FGF7: variants seen among roughly 807,000 people sequenced by gnomAD.
The protein encoded by FGF7 is fibroblast growth factor 7.
FGF7 carries 6 observed loss-of-function variants against 20.5 expected under a neutral mutation model. The ratio of observed to expected loss-of-function variants is 0.29; its 90% CI spans 0.16 to 0.58. The LOEUF (loss-of-function observed/expected upper bound fraction) is 0.58. FGF7 is among the 20% of genes least tolerant of loss of function. FGF7 has a pLI of 0.90. For missense variants in FGF7, 144 were observed against 228.8 expected, an observed-to-expected ratio of 0.63 and a Z score of 2.39; for synonymous variants, 64 against 74.7, an observed-to-expected ratio of 0.86 and a Z score of 0.74.
chr15:49,464,904 T>C (rs1347413151), intron 2 of FGF7, among the ~76,000 whole-genome samples: 11 of 152,148 alleles, frequency 7.2e-5, no homozygotes, highest in Admixed American at 1.3e-4. Flanking sequence ...AAGACATACA[T>C]GACATACCTA....
intron 2 of FGF7, among the ~76,000 whole-genome samples, chr15:49,462,809 A>G (rs921448180): frequency 6.6e-6 from 1 of 152,232 alleles, no homozygotes; most frequent in Non-Finnish European, 1.5e-5. Flanking sequence ...TGGCATGTAT[A>G]GAAAGGATGA....
At chr15:49,460,846 T>G (rs1192188728) in intron 2 of FGF7, among the ~76,000 whole-genome samples, 1 of 152,160 alleles carries the variant, frequency 6.6e-6, no homozygotes, top group African/African-American at 2.4e-5. Flanking sequence ...AGAAGAACAT[T>G]GTTTGTTTGA....
At chr15:49,440,499 T>A (rs900126620) in intron 2 of FGF7, among the ~76,000 whole-genome samples, 3 of 151,788 alleles carry the variant, frequency 2.0e-5, no homozygotes, top group African/African-American at 7.2e-5. Context: ...AACTACTTAA[T>A]GTCCTATTTA....
At chr15:49,434,205 A>G (rs2050876277) in intron 2 of FGF7, among the ~76,000 whole-genome samples, 1 of 151,680 alleles carries the variant, frequency 6.6e-6, no homozygotes, top group Non-Finnish European at 1.5e-5. Flanking sequence ...CTCTCATAGG[A>G]AGGTCACTTG....
intron 2 of FGF7, among the ~76,000 whole-genome samples, chr15:49,463,875 T>G (rs2054025085): frequency 6.6e-6 from 1 of 152,218 alleles, no homozygotes; most frequent in Admixed American, 6.5e-5. Context: ...AAATATCGTT[T>G]TTTAGACTAC....
intron 2 of FGF7, among the ~76,000 whole-genome samples, chr15:49,447,006 C>A (rs1205760660): frequency 1.3e-5 from 2 of 151,476 alleles, no homozygotes; most frequent in Non-Finnish European, 3.0e-5. Flanking sequence ...AGAACACTCA[C>A]TGGAATTTGG....
At chr15:49,428,813 T>C (rs751328102) in intron 2 of FGF7, among the ~76,000 whole-genome samples, 12 of 152,002 alleles carry the variant, frequency 7.9e-5, no homozygotes, top group African/African-American at 2.2e-4. Flanking sequence ...GTTAGTTCCA[T>C]AGCAAGAAAA....
intron 2 of FGF7, among the ~76,000 whole-genome samples, chr15:49,436,505 G>A (rs1254418973): frequency 6.6e-6 from 1 of 151,572 alleles, no homozygotes; most frequent in African/African-American, 2.4e-5. Context: ...TGGGCCATTA[G>A]TATTAAGATA....
chr15:49,440,549 T>C (rs2051541673), intron 2 of FGF7, among the ~76,000 whole-genome samples: 1 of 151,816 alleles, frequency 6.6e-6, no homozygotes, highest in African/African-American at 2.4e-5. Context: ...TGTACAGTCA[T>C]ACAGCTAAAA....
At chr15:49,463,602 G>A (rs928761515) in intron 2 of FGF7, among the ~76,000 whole-genome samples, 2 of 150,716 alleles carry the variant, frequency 1.3e-5, no homozygotes, top group African/African-American at 4.9e-5. Context: ...GTTCTTAATG[G>A]TCTAGCCCTG....
intron 2 of FGF7, among the ~76,000 whole-genome samples, chr15:49,473,027 G>T (rs1317298842): frequency 1.3e-5 from 2 of 152,066 alleles, no homozygotes; most frequent in Non-Finnish European, 2.9e-5. Context: ...ATTGTATGTG[G>T]ACCACTCATG....
intron 2 of FGF7, among the ~76,000 whole-genome samples, chr15:49,463,180 T>C (rs2053955149): frequency 6.6e-6 from 1 of 152,198 alleles, no homozygotes; most frequent in Non-Finnish European, 1.5e-5. Flanking sequence ...TGGTCTTGCC[T>C]CTTGCCAATT....
At chr15:49,435,753 T>C (rs1187076911) in intron 2 of FGF7, among the ~76,000 whole-genome samples, 1 of 151,544 alleles carries the variant, frequency 6.6e-6, no homozygotes, top group Non-Finnish European at 1.5e-5. Context: ...TTTATGATGT[T>C]TTGAAGTACT....
At chr15:49,461,213 C>G (rs2053769254) in intron 2 of FGF7, among the ~76,000 whole-genome samples, 1 of 152,168 alleles carries the variant, frequency 6.6e-6, no homozygotes, top group South Asian at 2.1e-4. Context: ...CACTTAGAGT[C>G]TTCCTTGTCA....
At chr15:49,467,389 C>G (rs1412201317) in intron 2 of FGF7, among the ~76,000 whole-genome samples, 1 of 152,066 alleles carries the variant, frequency 6.6e-6, no homozygotes, top group Non-Finnish European at 1.5e-5. Flanking sequence ...GTCACTTATA[C>G]ACAGTATAAA....
chr15:49,464,568 T>G (rs752936740), intron 2 of FGF7, among the ~76,000 whole-genome samples: 20 of 152,200 alleles, frequency 1.3e-4, no homozygotes, highest in Non-Finnish European at 1.9e-4. Context: ...TGACTTTTAA[T>G]GTATTGAATT....
chr15:49,479,601 T>TG, intron 2 of FGF7, among the ~76,000 whole-genome samples: 2 of 26,310 alleles, frequency 7.6e-5, no homozygotes, highest in Non-Finnish European at 1.0e-4. Context: ...ATACCTCTGT[T>TG]TTTTTTTTTT....
chr15:49,444,706 C>T (rs2052014801), intron 2 of FGF7, among the ~76,000 whole-genome samples: 1 of 151,578 alleles, frequency 6.6e-6, no homozygotes, highest in South Asian at 2.1e-4. Flanking sequence ...TGCATATGTT[C>T]CGGGGTCTGT....
intron 2 of FGF7, among the ~76,000 whole-genome samples, chr15:49,476,383 A>G (rs1370028078): frequency 2.0e-5 from 3 of 151,734 alleles, no homozygotes; most frequent in South Asian, 4.1e-4. Context: ...AGTTTCTAAA[A>G]TATTACTGGC....
Sources: allele counts gnomAD v4.1 joint callset (sites outside exome capture counted in the v4.1 genomes callset), GRCh38; gene constraint gnomAD v4.1.1; transcripts MANE v1.5; gene names NCBI Gene and HGNC (gene_info 2026-07-23, HGNC 2026-07-21).